Variants in KCNH8 observed in about 807,000 individuals in gnomAD.
KCNH8 encodes the protein voltage-gated delayed rectifier potassium channel KCNH8.
Under a neutral mutation model 103.6 loss-of-function variants are expected in KCNH8, and 70 were observed. The ratio of observed to expected loss-of-function variants is 0.68; its 90% CI spans 0.56 to 0.82. The LOEUF (loss-of-function observed/expected upper bound fraction) is 0.82. Among genes scored for constraint, KCNH8 ranks in the 40% least tolerant of loss-of-function variants. The pLI, the probability that KCNH8 is intolerant of heterozygous loss-of-function variation, is 0.00. For missense variants in KCNH8, 1,217 were observed against 1,329.9 expected, an observed-to-expected ratio of 0.92 and a Z score of 1.32; for synonymous variants, 498 against 489.4, an observed-to-expected ratio of 1.02 and a Z score of -0.23.
chr3:19,470,527 C>A (rs903188360), intron 11 of KCNH8, among the ~76,000 whole-genome samples: 4 of 152,152 alleles, frequency 2.6e-5, no homozygotes, highest in Non-Finnish European at 5.9e-5. Context: ...TGTAAAGACT[C>A]TGAGTGGTTC....
Position 19,282,162 on chromosome 3 carries a change from T to C in KCNH8, c.442+833T>C, listed in dbSNP as rs1189113722. ...AGCTCTTTTTTAAAATGTGTGTGAT[T>C]GTTTTCAATACATTATGTTTCTTGA... On this transcript the variant is annotated intron_variant, in intron 3 of 15. Transcript: ENST00000328405. Among the ~76,000 whole-genome samples, 3 of 152,262 alleles carry C rather than the reference T, an allele frequency of 2.0e-5. No homozygotes were observed. In the East Asian group the frequency reaches 5.8e-4, roughly 29 times the overall value.
intron 3 of KCNH8, among the ~76,000 whole-genome samples, chr3:19,338,329 T>C (rs964588050): frequency 1.3e-5 from 2 of 152,036 alleles, no homozygotes; most frequent in Non-Finnish European, 2.9e-5. Flanking sequence ...CGACCCTATC[T>C]TATTAACAAC....
At chr3:19,363,649 CTTGTACCA>C (rs376820871) in intron 5 of KCNH8, among the ~76,000 whole-genome samples, 158 of 152,234 alleles carry the variant, frequency 1.0e-3, no homozygotes, top group African/African-American at 3.7e-3. Flanking sequence ...GGGTAGTGCT[CTTGTACCA>C]TTGAACTCTA....
chr3:19,353,747 G>A (rs148133317), intron 5 of KCNH8, among the ~76,000 whole-genome samples: 184 of 152,130 alleles, frequency 1.2e-3, no homozygotes, highest in African/African-American at 3.9e-3. Flanking sequence ...AATAATAAGC[G>A]CTATTTATGA....
chr3:19,354,582 G>C (rs1376900357), intron 5 of KCNH8, among the ~76,000 whole-genome samples: 5 of 151,876 alleles, frequency 3.3e-5, no homozygotes, highest in Admixed American at 6.6e-5. Flanking sequence ...TACCACACAT[G>C]TACAACCATC....
intron 1 of KCNH8, among the ~76,000 whole-genome samples, chr3:19,170,209 G>C (rs11914666): frequency 0.056 from 8,536 of 152,108 alleles, 795 homozygotes; most frequent in African/African-American, 0.19. Context: ...CTAAAATTGT[G>C]CTAAGTAAAT....
At chr3:19,277,174 A>C (rs570297856) in intron 2 of KCNH8, among the ~76,000 whole-genome samples, 2 of 152,234 alleles carry the variant, frequency 1.3e-5, no homozygotes, top group East Asian at 3.9e-4. Context: ...TAGAGGGTAG[A>C]CTGTTGGTTA....
chr3:19,330,665 T>C (rs996153033), intron 3 of KCNH8, among the ~76,000 whole-genome samples: 2 of 152,176 alleles, frequency 1.3e-5, no homozygotes, highest in African/African-American at 4.8e-5. Context: ...AAATATTCCT[T>C]TTATTCTTAA....
intron 3 of KCNH8, among the ~76,000 whole-genome samples, chr3:19,323,161 G>A (rs886707346): frequency 6.6e-6 from 1 of 151,858 alleles, no homozygotes; most frequent in African/African-American, 2.4e-5. Context: ...TTAATAATTG[G>A]CTTCTGGGCC....
intron 1 of KCNH8, among the ~76,000 whole-genome samples, chr3:19,183,235 G>A (rs1158449718): frequency 6.6e-6 from 1 of 152,108 alleles, no homozygotes; most frequent in African/African-American, 2.4e-5. Context: ...GAAAAAAATA[G>A]TATTTTTATT....
intron 2 of KCNH8, among the ~76,000 whole-genome samples, chr3:19,260,967 CATATATATATATAT>C (rs138181171): frequency 5.3e-5 from 7 of 132,158 alleles, no homozygotes; most frequent in East Asian, 2.2e-4. Flanking sequence ...GAATAATATT[CATATATATATATAT>C]ATATATATAT....
chr3:19,157,378 G>T (rs576238192), intron 1 of KCNH8, among the ~76,000 whole-genome samples: 1 of 152,164 alleles, frequency 6.6e-6, no homozygotes, highest in South Asian at 2.1e-4. Context: ...GAGCTTTTGT[G>T]TTGTATTAAT....
rs573812549 is a variant in KCNH8 at position 19,376,380 on chromosome 3, C to T, written c.812-14101C>T. Among the ~76,000 whole-genome samples, 8 of 152,280 alleles carry T rather than the reference C, an allele frequency of 5.3e-5. 1 individual carries two copies. The South Asian group carries it at 1.5e-3, about 28-fold the overall frequency. On this transcript the variant is annotated intron_variant, in intron 5 of 15. Coordinates refer to ENST00000328405, the MANE Select transcript of KCNH8 (RefSeq NM_144633.3). ...CGATTTTCCAGGTGCGTCTGTCACC[C>T]CTTTCTTTGACTGGGAAAGGGAACT...
chr3:19,148,929 G>A (rs890872974), intron 1 of KCNH8, 134 bp downstream of exon 1: 8 of 809,340 alleles, frequency 9.9e-6, no homozygotes, highest in Non-Finnish European at 1.7e-5. Flanking sequence ...GGTATCTTTT[G>A]TGCGGAGAAA....
chr3:19,394,476 TGAGA>T (rs2066484510), intron 6 of KCNH8, among the ~76,000 whole-genome samples: 1 of 147,636 alleles, frequency 6.8e-6, no homozygotes, highest in South Asian at 2.2e-4. Context: ...GAGAGAGCGC[TGAGA>T]GAGAGAAAGA....
intron 3 of KCNH8, among the ~76,000 whole-genome samples, chr3:19,317,130 C>T (rs2065284745): frequency 1.3e-5 from 2 of 151,574 alleles, no homozygotes; most frequent in Admixed American, 6.6e-5. Context: ...AAAAGGGGGT[C>T]CCAGAACCAA....
chr3:19,492,252 A>G (rs1009856700), intron 11 of KCNH8, among the ~76,000 whole-genome samples: 4 of 152,120 alleles, frequency 2.6e-5, no homozygotes, highest in Admixed American at 6.6e-5. Flanking sequence ...CTTTGCCAAC[A>G]CTAATGTCAA....
At chr3:19,154,912 T>C (rs886837012) in intron 1 of KCNH8, among the ~76,000 whole-genome samples, 1 of 152,248 alleles carries the variant, frequency 6.6e-6, no homozygotes, top group Non-Finnish European at 1.5e-5. Context: ...CTCATCTAAA[T>C]GCTGTGTTTA....
At chr3:19,227,420 C>G (rs568347148) in intron 1 of KCNH8, among the ~76,000 whole-genome samples, 1 of 152,078 alleles carries the variant, frequency 6.6e-6, no homozygotes, top group Non-Finnish European at 1.5e-5. Flanking sequence ...CGAGGTGACC[C>G]GTTGTCTAGA....
Sources: gnomAD v4.1 joint callset for allele counts (sites outside exome capture counted in the v4.1 genomes callset) on GRCh38, gnomAD v4.1.1 for gene constraint, MANE v1.5 for transcripts, NCBI Gene and HGNC (gene_info 2026-07-23, HGNC 2026-07-21) for gene names.